GBGT1: variants seen among roughly 807,000 people sequenced by gnomAD.
GBGT1 encodes the protein globoside alpha-1,3-N-acetylgalactosaminyltransferase 1 (FORS blood group), also known as globoside alpha-1,3-N-acetylgalactosaminyltransferase 1.
GBGT1 carries 18 observed loss-of-function variants against 20.9 expected under a neutral mutation model. That is an observed-to-expected ratio of 0.86 (90% CI 0.60 to 1.28). The LOEUF (loss-of-function observed/expected upper bound fraction) is 1.28, where lower values mean the gene tolerates loss of function less well. GBGT1 is among the 50% of genes most tolerant of loss of function. GBGT1 has a pLI of 0.00. For synonymous variants in GBGT1, 168 were observed against 180.8 expected (o/e 0.93, Z 0.57); for missense variants, 432 against 455.7 (o/e 0.95, Z 0.47).
At chr9:133,159,836 GAA>G (rs60845732) in intron 3 of GBGT1, among the ~76,000 whole-genome samples, 1 of 147,508 alleles carries the variant, frequency 6.8e-6, no homozygotes, top group Non-Finnish European at 1.5e-5. Flanking sequence ...AAACTGGAAA[GAA>G]AAAAAAAAGT....
intron 3 of GBGT1, among the ~76,000 whole-genome samples, chr9:133,159,059 C>T (rs1321320790): frequency 1.3e-5 from 2 of 151,966 alleles, no homozygotes; most frequent in Non-Finnish European, 2.9e-5. Context: ...CTCCTGGGAT[C>T]AAGTGATTCT....
Position 133,153,891 on chromosome 9 carries a change from T to C in GBGT1, c.730A>G (p.Arg244Gly), listed in dbSNP as rs762137001. The change falls in exon 7 of 7, where the codon AGG (arginine) becomes GGG (glycine). Residue 244 changes from arginine to glycine, a missense_variant. Coordinates refer to ENST00000372040, the MANE Select transcript of GBGT1 (RefSeq NM_021996.6). ...GCCACAAAGGCAGTGGAAACACGCC[T>C]GCGCTCATAGGGGAACTGCTGGCGG... ...VPRQQFPYER[R>G]RVSTAFVADS... 1 of 1,605,592 alleles carries C rather than the reference T, an allele frequency of 6.2e-7. No homozygotes were observed. The highest frequency in any genetic ancestry group is 8.5e-7 in the Non-Finnish European group (1 of 1,173,414).
rs768436740 is a variant in GBGT1, at chr9:133,161,471, T to C, written c.133A>G (p.Ile45Val). Reference sequence around the variant, plus strand: ...CCTAGCCACACCCATACTTACAAGATCTCTGGGCAGGGGAGATAATAGGGG... The same window carrying C: ...CCTAGCCACACCCATACTTACAAGACCTCTGGGCAGGGGAGATAATAGGGG... ...YVPYYLPCPE[I>V]FNMKLHYKRE... is the part of the protein sequence containing the mutation. Residue 45 changes from isoleucine to valine, a missense_variant, in exon 3 of 7, where the codon ATC (isoleucine) becomes GTC (valine). By Grantham distance (29) the Ile-to-Val change is conservative. Coordinates refer to ENST00000372040, the MANE Select transcript of GBGT1 (RefSeq NM_021996.6). 7 of 1,605,636 alleles carry C rather than the reference T, an allele frequency of 4.4e-6. No homozygotes were observed. In the Middle Eastern group the frequency reaches 6.6e-4, roughly 152 times the overall value.
intron 1 of GBGT1, among the ~76,000 whole-genome samples, chr9:133,162,930 G>A (rs1343144326): frequency 6.6e-6 from 1 of 152,228 alleles, no homozygotes. Flanking sequence ...GGTCCCGCTG[G>A]ACCCCGGGCT....
intron 3 of GBGT1, chr9:133,160,921 A>C (rs1833020747): frequency 7.7e-6 from 2 of 260,718 alleles, no homozygotes; most frequent in African/African-American, 4.4e-5. Context: ...GAGACAGGAC[A>C]ATCTCTTGAA....
Position 133,156,095 on chromosome 9 carries a change from T to C in GBGT1, c.138-30A>G, listed in dbSNP as rs1044359327. ...TGGCAGAGGCAAGAAAGAGCCATCA[T>C]CATGGGTCTGGGGACAGAGACACTC... is the stretch of plus-strand genomic sequence containing the variant. On this transcript the variant is annotated intron_variant, in intron 3 of 6. Coordinates refer to ENST00000372040, the MANE Select transcript of GBGT1 (RefSeq NM_021996.6). The C allele has an allele frequency of 2.5e-6, 4 of 1,612,758 alleles. No individual in the cohort carries two copies. The African/African-American group carries it at 5.3e-5, about 22-fold the overall frequency.
In GBGT1 at chr9:133,161,513, G is replaced by A. The variant is rs1233813644; in HGVS notation, c.91C>T (p.Leu31=). Residue 31 remains leucine, a synonymous_variant, in exon 3 of 7, where the codon CTG becomes TTG. Transcript: ENST00000372040. ...TAATAGGGGACATAGGAGACTGGCA[G>A]CCAGTTCTCAAGATACACCCTGTGA... is the stretch of plus-strand genomic sequence containing the variant. ...SVLWVYLENW[L]PVSYVPYYLP... 1.9e-6 allele frequency: 3 copies of A among 1,610,028 alleles called. No homozygotes were observed. The highest frequency in any genetic ancestry group is 1.1e-5 in the South Asian group (1 of 90,478).
chr9:133,161,341 A>T lies in GBGT1; in HGVS notation c.137+126T>A, dbSNP rs141965232. ...CCTTAAATTACATAAATACTATTGC[A>T]TTTATCAGAAACATGAACTTAGGAA... On this transcript the variant is annotated intron_variant, in intron 3 of 6. Coordinates refer to ENST00000372040, the MANE Select transcript of GBGT1 (RefSeq NM_021996.6). 2,492 of 599,836 alleles carry T rather than the reference A, an allele frequency of 4.2e-3. 56 individuals carry two copies. Among genetic ancestry groups the T allele is most frequent in the Non-Finnish European group, 9.3e-4 (314 of 336,948 alleles). The allele number at this position is 599,836 out of a possible 1,614,324, so 37.2% of individuals were successfully genotyped here.
At position 133,154,437 on chromosome 9, in the gene GBGT1, C is replaced by G; in HGVS notation, c.360-176G>C. On this transcript the variant is annotated intron_variant, in intron 6 of 6. Coordinates refer to ENST00000372040, the MANE Select transcript of GBGT1 (RefSeq NM_021996.6). This position sits in a 1 kb window ranked among gnomAD's most constrained non-coding sequence, Gnocchi z 4.2. ...ATTCCCAAAATGCTAGTACCAGCCT[C>G]TTACGGCTGTTGTAAGCATGTTCCT... 4.3e-6 allele frequency: 2 copies of G among 470,254 alleles called. No homozygotes were observed. Among genetic ancestry groups the G allele is most frequent in the South Asian group, 1.0e-4 (2 of 20,092 alleles). 29.1% of individuals were successfully genotyped at this position (470,254 alleles called of 1,614,324 possible).
At position 133,153,715 on chromosome 9, in the gene GBGT1, G is replaced by A. The variant is rs773901856; in HGVS notation, c.906C>T (p.Asn302=). 1.9e-6 allele frequency: 3 copies of A among 1,613,834 alleles called. No homozygotes were observed. Among genetic ancestry groups the A allele is most frequent in the Non-Finnish European group, 1.7e-6 (2 of 1,179,910 alleles). The change falls in exon 7 of 7, where the codon AAC becomes AAT. Residue 302 remains asparagine, a synonymous_variant. Transcript: ENST00000372040. ...MAAWREESHL[N]RHFISNKPSK... is the part of the protein sequence containing the mutation. Reference sequence around the variant, plus strand: ...ACGGCTTGTTTGAGATGAAGTGACGGTTCAGGTGGCTTTCCTCCCGCCAGG... The same window carrying A: ...ACGGCTTGTTTGAGATGAAGTGACGATTCAGGTGGCTTTCCTCCCGCCAGG...
intron 3 of GBGT1, among the ~76,000 whole-genome samples, chr9:133,160,789 C>T (rs1039433265): frequency 1.3e-5 from 2 of 152,108 alleles, no homozygotes; most frequent in African/African-American, 2.4e-5. Context: ...GCAGGTGGAA[C>T]ACTTGAGGTC....
At chr9:133,159,545 C>G (rs1259561122) in intron 3 of GBGT1, among the ~76,000 whole-genome samples, 2 of 152,346 alleles carry the variant, frequency 1.3e-5, no homozygotes, top group South Asian at 2.1e-4. Context: ...TGCCCGCAAT[C>G]CCGGCAGGGG....
Position 133,154,137 on chromosome 9 carries a change from GGGGACCCAGC to G in GBGT1, c.474_483del (p.Leu159ThrfsTer140). On this transcript the variant is annotated frameshift_variant, in exon 7 of 7. Coordinates refer to ENST00000372040, the MANE Select transcript of GBGT1 (RefSeq NM_021996.6). LOFTEE classifies it low-confidence loss of function (END_TRUNC). The surrounding 1 kb of genome is among the most constrained non-coding windows in gnomAD (Gnocchi z 4.2). ...ATGGGGATGGAGCTGAGAAGCCGGT[GGGGACCCAGC>G]GGGACCCCGGGAACGGCTGCAGGGT... is the stretch of plus-strand genomic sequence containing the variant. 6.2e-7 allele frequency: 1 copy of G among 1,603,892 alleles called. No individual in the cohort carries two copies. Among genetic ancestry groups the G allele is most frequent in the Admixed American group, 1.7e-5 (1 of 59,848 alleles).
chr9:133,159,724 G>A (rs1330433910), intron 3 of GBGT1, among the ~76,000 whole-genome samples: 2 of 152,152 alleles, frequency 1.3e-5, no homozygotes, highest in Admixed American at 1.3e-4. Context: ...TTGAGCCCAG[G>A]AGGTCAAGGC....
intron 1 of GBGT1, among the ~76,000 whole-genome samples, chr9:133,162,752 G>A (rs1588593904): frequency 6.6e-6 from 1 of 152,312 alleles, no homozygotes; most frequent in Admixed American, 6.5e-5. Flanking sequence ...TGTTGGTCAG[G>A]CTGGTGTCCT....
Position 133,153,902 on chromosome 9 carries a change from G to C in GBGT1, c.719C>G (p.Pro240Arg). ...AGTGGAAACACGCCTGCGCTCATAG[G>C]GGAACTGCTGGCGGGGAACGGCGTA... ...SYYAVPRQQF[P>R]YERRRVSTAF... Residue 240 changes from proline (P) to arginine (R), a missense_variant, in exon 7 of 7, where the codon CCC becomes CGC. Coordinates refer to ENST00000372040, the MANE Select transcript of GBGT1 (RefSeq NM_021996.6). The C allele has an allele frequency of 1.2e-6, 2 of 1,605,096 alleles. No homozygotes were observed. The highest frequency in any genetic ancestry group is 1.7e-6 in the Non-Finnish European group (2 of 1,172,742).
At position 133,153,737 on chromosome 9, in the gene GBGT1, CA is replaced by C. The variant is rs1435981702; in HGVS notation, c.883del (p.Trp295GlyfsTer7). The C allele has an allele frequency of 6.2e-7, 1 of 1,613,614 alleles. No individual in the cohort carries two copies. ...ACGGTTCAGGTGGCTTTCCTCCCGC[CA>C]GGCAGCCATGATGCCATTGGCCTTG... ...ADKANGIMAA[W>X]REESHLNRHF... is the part of the protein sequence containing the mutation. On this transcript the variant is annotated frameshift_variant, in exon 7 of 7. Transcript: ENST00000372040. LOFTEE classifies it high-confidence loss of function.
In GBGT1 at chr9:133,155,264, G is replaced by T. The variant is rs149262357; in HGVS notation, c.273C>A (p.Ser91=). ...TLTPWLAPIV[S]EGTFNPELLQ... ...GAAGCTCTGGGTTGAAGGTTCCCTC[G>T]GAGACGATGGGCGCCAACCAGGGTG... Residue 91 remains serine (S), a synonymous_variant, in exon 6 of 7, where the codon TCC becomes TCA. Coordinates refer to ENST00000372040, the MANE Select transcript of GBGT1 (RefSeq NM_021996.6). 1 of 1,613,944 alleles carries T rather than the reference G, an allele frequency of 6.2e-7. No homozygotes were observed. Among genetic ancestry groups the T allele is most frequent in the Non-Finnish European group, 8.5e-7 (1 of 1,179,936 alleles).
chr9:133,154,043 T>G lies in GBGT1; in HGVS notation c.578A>C (p.Lys193Thr), dbSNP rs553136102. Residue 193 changes from lysine to threonine, a missense_variant, in exon 7 of 7, where the codon AAG (lysine) becomes ACG (threonine). Transcript: ENST00000372040. This position sits in a 1 kb window ranked among gnomAD's most constrained non-coding sequence, Gnocchi z 4.2. ...GTAGTCCACCTCCCGGTGAGCCCTC[T>G]TAGCAATGTGCTGGCTGATGGTCTC... ...RMETISQHIA[K>T]RAHREVDYLF... The G allele has an allele frequency of 6.2e-7, 1 of 1,613,762 alleles. No individual in the cohort carries two copies. The highest frequency in any genetic ancestry group is 1.7e-5 in the Admixed American group (1 of 60,020).
Sources: allele counts gnomAD v4.1 joint callset (sites outside exome capture counted in the v4.1 genomes callset), GRCh38; gene constraint gnomAD v4.1.1; non-coding constraint Gnocchi (gnomAD v3.1); transcripts MANE v1.5; gene names NCBI Gene and HGNC (gene_info 2026-07-23, HGNC 2026-07-21).